NFU1: variants seen among roughly 807,000 people sequenced by gnomAD.
NFU1 encodes the protein NFU1 iron-sulfur cluster scaffold homolog, mitochondrial.
Under a neutral mutation model 32.2 loss-of-function variants are expected in NFU1, and 30 were observed. The observed-to-expected ratio is 0.93, with a 90% CI of 0.70 to 1.26. The LOEUF is 1.26. NFU1 is among the 50% of genes most tolerant of loss of function. The pLI is 0.00. For synonymous variants in NFU1, 112 were observed against 104.6 expected (o/e 1.07, Z -0.43); for missense variants, 306 against 306.6 (o/e 1.00, Z 0.02).
Position 69,424,121 on chromosome 2 carries a change from G to A in NFU1, c.167-404C>T, listed in dbSNP as rs376576888. Among the ~76,000 whole-genome samples, 15 of 124,874 alleles carry A rather than the reference G, an allele frequency of 1.2e-4. No individual in the cohort carries two copies. In the South Asian group the frequency reaches 1.6e-3, roughly 14 times the overall value. The allele number at this position is 124,874 out of a possible 152,430, so 81.9% of individuals were successfully genotyped here. ...TGCGAGGCGGAGGTTGCAGTGAGCC[G>A]AGATTGCACCACTGCACTCCAGCCT... is the stretch of plus-strand genomic sequence containing the variant. On this transcript the variant is annotated intron_variant, in intron 2 of 7. Transcript: ENST00000410022.
At chr2:69,417,015 A>C (rs1472017759) in intron 4 of NFU1, among the ~76,000 whole-genome samples, 5 of 152,232 alleles carry the variant, frequency 3.3e-5, no homozygotes, top group Admixed American at 2.6e-4. Flanking sequence ...AATGGAAACT[A>C]GTTGTAGGTA....
intron 2 of NFU1, among the ~76,000 whole-genome samples, chr2:69,425,445 C>G (rs963137720): frequency 2.0e-5 from 3 of 151,596 alleles, no homozygotes; most frequent in African/African-American, 7.3e-5. Flanking sequence ...ACCTCTGCCC[C>G]CTAAGTTCAA....
upstream of NFU1, chr2:69,437,501 C>G: frequency 6.5e-7 from 1 of 1,537,708 alleles, no homozygotes; most frequent in South Asian, 1.2e-5. Flanking sequence ...GGTAGCTGGG[C>G]GGGCACTGGG....
At chr2:69,436,781 T>C (rs1673853124) in intron 1 of NFU1, among the ~76,000 whole-genome samples, 1 of 150,602 alleles carries the variant, frequency 6.6e-6, no homozygotes, top group African/African-American at 2.4e-5. Flanking sequence ...AACTCAAAGG[T>C]AGGGCTCAGG....
intron 5 of NFU1, among the ~76,000 whole-genome samples, chr2:69,412,479 C>T (rs1345815796): frequency 2.0e-5 from 3 of 151,972 alleles, no homozygotes; most frequent in African/African-American, 4.8e-5. Flanking sequence ...CTCCGCCTCC[C>T]AGATTCAAGC....
At chr2:69,434,858 T>C (rs1163200694) in intron 1 of NFU1, among the ~76,000 whole-genome samples, 2 of 152,138 alleles carry the variant, frequency 1.3e-5, no homozygotes, top group Non-Finnish European at 2.9e-5. Context: ...TTTTCAAGGA[T>C]AGACTGGCAG....
intron 4 of NFU1, among the ~76,000 whole-genome samples, chr2:69,419,085 G>A (rs1467639236): frequency 2.6e-5 from 4 of 152,014 alleles, no homozygotes; most frequent in East Asian, 2.0e-4. Flanking sequence ...AGGCCGAGGC[G>A]GGTGGATCAC....
Position 69,415,307 on chromosome 2 carries a change from C to T in NFU1, c.370-8G>A. 1 of 1,501,960 alleles carries T rather than the reference C, an allele frequency of 6.7e-7. No individual in the cohort carries two copies. The highest frequency in any genetic ancestry group is 9.3e-7 in the Non-Finnish European group (1 of 1,079,204). The allele number at this position is 1,501,960 out of a possible 1,614,324, so 93.0% of individuals were successfully genotyped here. A position where few individuals can be genotyped will look rare whatever the true frequency, so the allele number is the denominator to read the frequency against. ...GTCTAATTCTTCATTTTCCTATAAACATTTAAAGGAAAATGCTGTATTTCC... is the reference window on the plus strand; with the variant it reads ...GTCTAATTCTTCATTTTCCTATAAATATTTAAAGGAAAATGCTGTATTTCC... On this transcript the variant is annotated splice_polypyrimidine_tract_variant and splice_region_variant and intron_variant, in intron 4 of 7. Coordinates refer to ENST00000410022, the MANE Select transcript of NFU1 (RefSeq NM_001002755.4).
chr2:69,414,611 C>T (rs1283900052), intron 5 of NFU1, among the ~76,000 whole-genome samples: 1 of 95,968 alleles, frequency 1.0e-5, no homozygotes, highest in East Asian at 3.0e-4. Context: ...GAGTGAGAGT[C>T]TGTCTCTAAA....
chr2:69,397,605 A>T (rs2104727455), intron 7 of NFU1, among the ~76,000 whole-genome samples: 1 of 97,054 alleles, frequency 1.0e-5, no homozygotes, highest in East Asian at 2.4e-4. Flanking sequence ...GAACAAAGTA[A>T]GGTTTTTTTT....
intron 5 of NFU1, chr2:69,411,085 A>G (rs778829703): frequency 2.0e-5 from 3 of 152,128 alleles, no homozygotes; most frequent in Non-Finnish European, 4.4e-5. Flanking sequence ...CATCTTAGAA[A>G]AAGACCCATG....
intron 2 of NFU1, among the ~76,000 whole-genome samples, chr2:69,426,380 G>A (rs1302098571): frequency 6.6e-6 from 1 of 152,180 alleles, no homozygotes; most frequent in Non-Finnish European, 1.5e-5. Flanking sequence ...CTGCCTTCCA[G>A]GTTCAAGCAA....
At chr2:69,408,211 T>A (rs1005125193) in intron 5 of NFU1, among the ~76,000 whole-genome samples, 1 of 152,126 alleles carries the variant, frequency 6.6e-6, no homozygotes, top group African/African-American at 2.4e-5. Flanking sequence ...ACAAATGAGA[T>A]CATACCATAC....
intron 3 of NFU1, among the ~76,000 whole-genome samples, chr2:69,419,882 T>C (rs2104782649): frequency 6.6e-6 from 1 of 152,230 alleles, no homozygotes; most frequent in South Asian, 2.1e-4. Flanking sequence ...TACAGAAAAA[T>C]ATGGAAATGT....
chr2:69,432,023 TAATG>T lies in NFU1; in HGVS notation c.63-22_63-19del. ...GACAGAACCTGCATTTAAAAGCACA[TAATG>T]AATGACATTTTAAGAGCTCTAATCT... On this transcript the variant is annotated intron_variant, in intron 1 of 7. Transcript: ENST00000410022. 1 of 1,506,892 alleles carries T rather than the reference TAATG, an allele frequency of 6.6e-7. No individual in the cohort carries two copies. The allele number at this position is 1,506,892 out of a possible 1,614,324, so 93.3% of individuals were successfully genotyped here.
chr2:69,405,071 A>G (rs1336141336), intron 6 of NFU1, among the ~76,000 whole-genome samples: 1 of 150,432 alleles, frequency 6.6e-6, no homozygotes, highest in Non-Finnish European at 1.5e-5. Context: ...ACATGGTGAA[A>G]CCCTGTCTCT....
chr2:69,421,708 C>T (rs954747703), intron 3 of NFU1, among the ~76,000 whole-genome samples: 1 of 151,748 alleles, frequency 6.6e-6, no homozygotes, highest in Non-Finnish European at 1.5e-5. Flanking sequence ...GCTAGGACTA[C>T]AGGCGCCCGC....
chr2:69,418,470 C>T (rs369109005), intron 4 of NFU1, among the ~76,000 whole-genome samples: 3 of 152,112 alleles, frequency 2.0e-5, no homozygotes, highest in South Asian at 2.1e-4. Context: ...AGTATGTCCC[C>T]TTTTTTTCTT....
chr2:69,427,278 A>T (rs1301664397), intron 2 of NFU1, among the ~76,000 whole-genome samples: 1 of 151,640 alleles, frequency 6.6e-6, no homozygotes, highest in African/African-American at 2.4e-5. Flanking sequence ...CCAGCTACTC[A>T]GGAGGCTGAG....
Sources: allele counts gnomAD v4.1 joint callset (sites outside exome capture counted in the v4.1 genomes callset), GRCh38; gene constraint gnomAD v4.1.1; transcripts MANE v1.5; gene names NCBI Gene and HGNC (gene_info 2026-07-23, HGNC 2026-07-21).